Variants in SPTBN4 observed in about 807,000 individuals in gnomAD.
The protein encoded by SPTBN4 is spectrin beta chain, non-erythrocytic 4.
Under a neutral mutation model 277.8 loss-of-function variants are expected in SPTBN4, and 96 were observed. That is an observed-to-expected ratio of 0.35 (90% CI 0.29 to 0.41). The LOEUF (loss-of-function observed/expected upper bound fraction) is 0.41, where lower values mean the gene tolerates loss of function less well. Ranked by LOEUF, SPTBN4 falls within the 10% of genes least tolerant of loss-of-function variation. SPTBN4 has a pLI of 1.00. For missense variants in SPTBN4, 3,006 were observed against 3,595.7 expected, an observed-to-expected ratio of 0.84 and a Z score of 4.19; for synonymous variants, 1,481 against 1,580.3, an observed-to-expected ratio of 0.94 and a Z score of 1.49.
chr19:40,548,536 T>G (rs1315290813), intron 20 of SPTBN4, among the ~76,000 whole-genome samples: 1 of 151,656 alleles, frequency 6.6e-6, no homozygotes, highest in Non-Finnish European at 1.5e-5. Flanking sequence ...GCCAATATGG[T>G]GAAACCCCAT....
chr19:40,552,309 G>C (rs2080926638), intron 22 of SPTBN4, among the ~76,000 whole-genome samples: 1 of 151,900 alleles, frequency 6.6e-6, no homozygotes, highest in Admixed American at 6.6e-5. Flanking sequence ...CAAAAAATTA[G>C]CCGGGCGAGG....
At chr19:40,472,318 T>C (rs2079894350) in intron 1 of SPTBN4, among the ~76,000 whole-genome samples, 1 of 152,016 alleles carries the variant, frequency 6.6e-6, no homozygotes, top group Non-Finnish European at 1.5e-5. Context: ...GTGTTGGGAT[T>C]ATAGGCCTGA....
At chr19:40,526,173 T>C (rs2080589372) in intron 17 of SPTBN4, among the ~76,000 whole-genome samples, 1 of 144,158 alleles carries the variant, frequency 6.9e-6, no homozygotes, top group Non-Finnish European at 1.5e-5. Context: ...TGTTCTTTTT[T>C]TTTTTTTTTT....
rs1389852122 is a variant in SPTBN4 at position 40,513,253 on chromosome 19, G to T, written c.2464G>T (p.Val822Leu). The change falls in exon 14 of 36, where the codon GTG becomes TTG. Residue 822 changes from valine (V) to leucine (L), a missense_variant. Coordinates refer to ENST00000598249, the MANE Select transcript of SPTBN4 (RefSeq NM_020971.3). ...ARQHRALTGE[V>L]EAHRGPVSGL... ...CCAGCACCGCGCGCTCACCGGGGAG[G>T]TGGAGGCACATCGCGGGCCCGTGAG... 6.5e-7 allele frequency: 1 copy of T among 1,526,920 alleles called. No homozygotes were observed. The highest frequency in any genetic ancestry group is 8.8e-7 in the Non-Finnish European group (1 of 1,142,750). The allele number at this position is 1,526,920 out of a possible 1,614,324, so 94.6% of individuals were successfully genotyped here.
intron 20 of SPTBN4, among the ~76,000 whole-genome samples, chr19:40,538,390 C>CAAAA (rs1233852253): frequency 9.5e-6 from 1 of 105,134 alleles, no homozygotes; most frequent in Non-Finnish European, 2.0e-5. Flanking sequence ...GACTCTGTCT[C>CAAAA]AAAAAAAAAA....
Position 40,525,675 on chromosome 19 carries a change from T to C in SPTBN4, c.3857+2036T>C, listed in dbSNP as rs570499176. ...AAACATGTACTGAGCCCGTGCTCTG[T>C]ACGGAGTGGGGGTGTGTTCACAGAA... is the stretch of plus-strand genomic sequence containing the variant. On this transcript the variant is annotated intron_variant, in intron 17 of 35. Coordinates refer to ENST00000598249, the MANE Select transcript of SPTBN4 (RefSeq NM_020971.3). 2.4e-3 allele frequency among the ~76,000 whole-genome samples: 363 copies of C among 152,342 alleles called. 4 individuals carry two copies. Among genetic ancestry groups the C allele is most frequent in the African/African-American group, 8.5e-3 (354 of 41,576 alleles).
At chr19:40,488,130 T>C (rs2080094005) in intron 3 of SPTBN4, among the ~76,000 whole-genome samples, 1 of 151,946 alleles carries the variant, frequency 6.6e-6, no homozygotes, top group African/African-American at 2.4e-5. Flanking sequence ...GGGGCCGGGC[T>C]CTGTTGCAAG....
intron 20 of SPTBN4, among the ~76,000 whole-genome samples, chr19:40,535,387 A>G (rs2080723822): frequency 6.6e-6 from 1 of 152,092 alleles, no homozygotes; most frequent in Non-Finnish European, 1.5e-5. Context: ...CCTGTCAGGA[A>G]CAATGCCTGA....
chr19:40,565,609 G>A lies in SPTBN4; in HGVS notation c.6054+48G>A, dbSNP rs778183970. The stretch of plus-strand genomic sequence containing the variant: ...CCCTCTGCCACCCGGGCACATTGGG[G>A]TGGAAGCCATTCCACACCCTGACTT... On this transcript the variant is annotated intron_variant, in intron 28 of 35. Coordinates refer to ENST00000598249, the MANE Select transcript of SPTBN4 (RefSeq NM_020971.3). 9 of 1,583,362 alleles carry A rather than the reference G, an allele frequency of 5.7e-6. No individual in the cohort carries two copies. In the South Asian group the frequency reaches 8.0e-5, roughly 14 times the overall value.
chr19:40,563,660 G>GCGC (rs1241084546), intron 27 of SPTBN4, among the ~76,000 whole-genome samples: 1 of 133,882 alleles, frequency 7.5e-6, no homozygotes, highest in Non-Finnish European at 1.6e-5. Context: ...TCTCAGCCAA[G>GCGC]CGGAGATCGC....
At chr19:40,493,276 T>A (rs568031605) in intron 5 of SPTBN4, among the ~76,000 whole-genome samples, 4 of 152,282 alleles carry the variant, frequency 2.6e-5, no homozygotes, top group Admixed American at 2.0e-4. Flanking sequence ...ATTTTGAACT[T>A]GCTCTGTCAC....
chr19:40,540,522 G>A (rs1010000279), intron 20 of SPTBN4, among the ~76,000 whole-genome samples: 6 of 151,968 alleles, frequency 3.9e-5, no homozygotes, highest in East Asian at 2.0e-4. Flanking sequence ...GATTATTCGC[G>A]TGAGCCACTG....
Position 40,568,046 on chromosome 19 carries a change from G to A in SPTBN4, c.6720G>A (p.Ala2240=), listed in dbSNP as rs545870106. The A allele has an allele frequency of 3.7e-4, 572 of 1,553,836 alleles. 8 individuals carry two copies. The South Asian group carries it at 6.5e-3, about 18-fold the overall frequency. Residue 2240 remains alanine, a synonymous_variant, in exon 31 of 36, where the codon GCG becomes GCA. Transcript: ENST00000598249. ...AGCGCCAGGAGTCAGCTGATCGCGC[G>A]GAGGAGCTGCCCAGGAGGCGGCGGC... ...RPERQESADR[A]EELPRRRRPE...
intron 26 of SPTBN4, 125 bp downstream of exon 26, chr19:40,557,528 C>A: frequency 8.8e-7 from 1 of 1,133,564 alleles, no homozygotes; most frequent in Non-Finnish European, 1.2e-6. Context: ...AAGCGGACTA[C>A]AGAACAGGAA....
In SPTBN4 at chr19:40,534,177, C is replaced by T; in HGVS notation, c.4193C>T (p.Thr1398Ile). The change falls in exon 20 of 36, where the codon ACC becomes ATC. Residue 1398 changes from threonine (T) to isoleucine (I), a missense_variant. By Grantham distance (89) the Thr-to-Ile change is moderately conservative. This residue lies in a region of SPTBN4 where 1,759 missense variants were observed against 2,061.5 expected (regional missense o/e 0.85). Transcript: ENST00000598249. The stretch of plus-strand genomic sequence containing the variant: ...CAGTGCTGGGCGGAGCTGGAGAGCA[C>T]CACCCAGGCCAAGGCACGGCAGCTC... ...IRQCWAELES[T>I]TQAKARQLFE... 1 of 1,613,824 alleles carries T rather than the reference C, an allele frequency of 6.2e-7. No homozygotes were observed. Among genetic ancestry groups the T allele is most frequent in the Non-Finnish European group, 8.5e-7 (1 of 1,179,870 alleles).
At chr19:40,480,682 G>A (rs2080001117) in intron 2 of SPTBN4, among the ~76,000 whole-genome samples, 1 of 152,186 alleles carries the variant, frequency 6.6e-6, no homozygotes, top group African/African-American at 2.4e-5. Flanking sequence ...GCTGTATAGT[G>A]TTGCGTGGTG....
At chr19:40,556,816 TGTTTGG>T (rs2080984266) in intron 25 of SPTBN4, among the ~76,000 whole-genome samples, 1 of 152,076 alleles carries the variant, frequency 6.6e-6, no homozygotes, top group African/African-American at 2.4e-5. Context: ...TAGTCCTAGC[TGTTTGG>T]GAGGCTGAGG....
chr19:40,499,924 G>A (rs2080244771), intron 7 of SPTBN4, among the ~76,000 whole-genome samples: 1 of 151,884 alleles, frequency 6.6e-6, no homozygotes, highest in South Asian at 2.1e-4. Context: ...CAGGTATACT[G>A]TTGTGCATCC....
intron 3 of SPTBN4, 119 bp downstream of exon 3, chr19:40,487,967 G>T: frequency 8.4e-7 from 1 of 1,186,440 alleles, no homozygotes; most frequent in Non-Finnish European, 1.1e-6. Context: ...AGTGGAACGT[G>T]CTGGAAGGGC....
Sources: allele counts gnomAD v4.1 joint callset (sites outside exome capture counted in the v4.1 genomes callset), GRCh38; gene constraint gnomAD v4.1.1; regional missense constraint gnomAD v4.1.1; transcripts MANE v1.5; gene names NCBI Gene and HGNC (gene_info 2026-07-23, HGNC 2026-07-21).